Variants in RAB3C observed in about 807,000 individuals in gnomAD.
RAB3C encodes RAB3C, member RAS oncogene family.
RAB3C carries 17 observed loss-of-function variants against 26.4 expected under a neutral mutation model. The observed-to-expected ratio is 0.64, with a 90% CI of 0.44 to 0.97. RAB3C has a LOEUF of 0.97. Among genes scored for constraint, RAB3C ranks in the 50% least tolerant of loss-of-function variants. The probability of loss-of-function intolerance (pLI) is 0.00; values close to 1 mark genes in which losing one functional copy is unlikely to be tolerated. For missense variants in RAB3C, 242 were observed against 281.9 expected, an observed-to-expected ratio of 0.86 and a Z score of 1.01; for synonymous variants, 91 against 95.9, an observed-to-expected ratio of 0.95 and a Z score of 0.30.
chr5:58,759,901 A>G (rs531991497), intron 3 of RAB3C, among the ~76,000 whole-genome samples: 2 of 152,314 alleles, frequency 1.3e-5, no homozygotes, highest in East Asian at 1.9e-4. Flanking sequence ...AATTTACAGG[A>G]CGAAAATTAG....
In RAB3C at chr5:58,852,385, A is replaced by G. The variant is rs1035016164; in HGVS notation, c.*1034A>G. ...CTCCCCAAACACGGCCATCTTCTCAAACCTCAGCTAAGTTCTTTTACCTGT... is the reference window on the plus strand; with the variant it reads ...CTCCCCAAACACGGCCATCTTCTCAGACCTCAGCTAAGTTCTTTTACCTGT... On this transcript the variant is annotated 3_prime_UTR_variant, in exon 5 of 5. Coordinates refer to ENST00000282878, the MANE Select transcript of RAB3C (RefSeq NM_138453.4). The G allele has an allele frequency of 1.3e-5, 2 of 152,168 alleles. No individual in the cohort carries two copies. The highest frequency in any genetic ancestry group is 4.8e-5 in the African/African-American group (2 of 41,448). 9.4% of individuals were successfully genotyped at this position (152,168 alleles called of 1,614,324 possible).
chr5:58,784,540 T>C (rs528262282), intron 3 of RAB3C, among the ~76,000 whole-genome samples: 1 of 152,242 alleles, frequency 6.6e-6, no homozygotes, highest in South Asian at 2.1e-4. Flanking sequence ...AGCCAAGCCA[T>C]ATCACTCGGT....
chr5:58,587,624 A>T lies in RAB3C; in HGVS notation c.24+4392A>T, dbSNP rs181894949. 3.3e-5 allele frequency among the ~76,000 whole-genome samples: 5 copies of T among 152,358 alleles called. No individual in the cohort carries two copies. In the East Asian group the frequency reaches 9.6e-4, roughly 29 times the overall value. On this transcript the variant is annotated intron_variant, in intron 1 of 4. Coordinates refer to ENST00000282878, the MANE Select transcript of RAB3C (RefSeq NM_138453.4). ...ACAAATCTTAAGTGAACAATTTGAT[A>T]AATTTTGACAAATGTATAAATCTGT...
At chr5:58,701,755 A>G (rs1006547152) in intron 2 of RAB3C, among the ~76,000 whole-genome samples, 10 of 152,158 alleles carry the variant, frequency 6.6e-5, no homozygotes, top group Non-Finnish European at 1.2e-4. Flanking sequence ...CACCTCATCA[A>G]ATCTCTTTCT....
rs1223723260 is a variant in RAB3C at position 58,853,236 on chromosome 5, A to G, written c.*1885A>G. 2 of 152,194 alleles carry G rather than the reference A, an allele frequency of 1.3e-5. No individual in the cohort carries two copies. Among genetic ancestry groups the G allele is most frequent in the African/African-American group, 4.8e-5 (2 of 41,454 alleles). 9.4% of individuals were successfully genotyped at this position (152,194 alleles called of 1,614,324 possible). On this transcript the variant is annotated 3_prime_UTR_variant, in exon 5 of 5. Transcript: ENST00000282878. Reference sequence around the variant, plus strand: ...GGAGAGAAAGAAGCAGGAGGCATAAAAACAGATTTGTTTGTAGCAGTAGTC... The same window carrying G: ...GGAGAGAAAGAAGCAGGAGGCATAAGAACAGATTTGTTTGTAGCAGTAGTC...
intron 3 of RAB3C, among the ~76,000 whole-genome samples, chr5:58,821,377 C>T (rs7731685): frequency 1.3e-5 from 2 of 152,086 alleles, no homozygotes; most frequent in African/African-American, 2.4e-5. Context: ...GAAATCTGAT[C>T]GGATGTGAGA....
intron 3 of RAB3C, among the ~76,000 whole-genome samples, chr5:58,726,824 G>A (rs900519218): frequency 2.6e-5 from 4 of 151,842 alleles, no homozygotes; most frequent in Non-Finnish European, 5.9e-5. Context: ...TTATTCCTAC[G>A]GCTACAGTAT....
intron 3 of RAB3C, among the ~76,000 whole-genome samples, chr5:58,814,913 T>A (rs1464717323): frequency 2.6e-5 from 4 of 152,134 alleles, no homozygotes. Flanking sequence ...TGGTGCAAGG[T>A]AGTTCCAGGA....
intron 4 of RAB3C, among the ~76,000 whole-genome samples, chr5:58,841,778 C>G (rs773541534): frequency 2.6e-5 from 4 of 152,130 alleles, no homozygotes; most frequent in African/African-American, 4.8e-5. Flanking sequence ...TTTGGATAGA[C>G]AAGTCTGCAG....
chr5:58,805,842 A>T (rs575288247), intron 3 of RAB3C, among the ~76,000 whole-genome samples: 1 of 152,148 alleles, frequency 6.6e-6, no homozygotes, highest in Admixed American at 6.5e-5. Flanking sequence ...TGACTCCACC[A>T]TGAAGAAAGT....
chr5:58,747,803 A>G (rs1389053664), intron 3 of RAB3C, among the ~76,000 whole-genome samples: 1 of 151,882 alleles, frequency 6.6e-6, no homozygotes. Flanking sequence ...CATAACAGCA[A>G]GGATTACAAT....
At chr5:58,752,023 C>A (rs1248567898) in intron 3 of RAB3C, among the ~76,000 whole-genome samples, 1 of 151,910 alleles carries the variant, frequency 6.6e-6, no homozygotes, top group African/African-American at 2.4e-5. Context: ...TATAGAATTC[C>A]AGACTTGCCT....
chr5:58,661,629 C>T (rs1456428134), intron 2 of RAB3C, among the ~76,000 whole-genome samples: 1 of 146,572 alleles, frequency 6.8e-6, no homozygotes, highest in Non-Finnish European at 1.5e-5. Flanking sequence ...AATTGATGAC[C>T]TGCCTGTATC....
At chr5:58,840,290 T>A (rs1360294286) in intron 4 of RAB3C, among the ~76,000 whole-genome samples, 1 of 152,130 alleles carries the variant, frequency 6.6e-6, no homozygotes, top group Non-Finnish European at 1.5e-5. Context: ...ATTTTAGTCA[T>A]TGGATTCTTC....
chr5:58,798,772 C>G (rs1451776445), intron 3 of RAB3C, among the ~76,000 whole-genome samples: 1 of 152,166 alleles, frequency 6.6e-6, no homozygotes, highest in Non-Finnish European at 1.5e-5. Context: ...ATAAACACTT[C>G]TTGTCCCCAG....
intron 3 of RAB3C, among the ~76,000 whole-genome samples, chr5:58,769,743 G>C (rs967080694): frequency 1.8e-5 from 2 of 108,380 alleles, no homozygotes; most frequent in South Asian, 7.7e-4. Context: ...TAAGAGAAAT[G>C]TAATCATCTG....
chr5:58,735,000 A>G (rs1417817135), intron 3 of RAB3C, among the ~76,000 whole-genome samples: 2 of 152,222 alleles, frequency 1.3e-5, no homozygotes, highest in South Asian at 2.1e-4. Context: ...TATTTAATAT[A>G]TACAGTTGAT....
At chr5:58,820,122 G>T (rs1169508145) in intron 3 of RAB3C, among the ~76,000 whole-genome samples, 1 of 150,986 alleles carries the variant, frequency 6.6e-6, no homozygotes, top group Non-Finnish European at 1.5e-5. Context: ...TTCTTGCAAA[G>T]CAACAACATA....
At chr5:58,633,908 G>A (rs962759563) in intron 2 of RAB3C, among the ~76,000 whole-genome samples, 3 of 151,926 alleles carry the variant, frequency 2.0e-5, no homozygotes, top group Admixed American at 6.6e-5. Flanking sequence ...CGAGGTGGGC[G>A]GATCATGAGG....
Sources: gnomAD v4.1 joint callset for allele counts (sites outside exome capture counted in the v4.1 genomes callset) on GRCh38, gnomAD v4.1.1 for gene constraint, MANE v1.5 for transcripts, NCBI Gene and HGNC (gene_info 2026-07-23, HGNC 2026-07-21) for gene names.